FAM25A: variants seen among roughly 807,000 people sequenced by gnomAD.
The protein encoded by FAM25A is family with sequence similarity 25 member A.
Under a neutral mutation model 6.6 loss-of-function variants are expected in FAM25A, and 5 were observed. The ratio of observed to expected loss-of-function variants is 0.75; its 90% CI spans 0.39 to 1.59. The LOEUF (loss-of-function observed/expected upper bound fraction) is 1.59. FAM25A is among the 40% of genes most tolerant of loss of function. FAM25A has a pLI of 0.02. For missense variants in FAM25A, 93 were observed against 109.7 expected, an observed-to-expected ratio of 0.85 and a Z score of 0.68; for synonymous variants, 36 against 41.3, an observed-to-expected ratio of 0.87 and a Z score of 0.49.
chr10:87,024,415 C>A (rs1416410291), intron 2 of FAM25A, 126 bp from the exon 3 acceptor site: 5 of 1,384,874 alleles, frequency 3.6e-6, no homozygotes, highest in Middle Eastern at 2.5e-4. Flanking sequence ...AATCCTGCTG[C>A]CCTTGGTCCC....
intron 1 of FAM25A, among the ~76,000 whole-genome samples, 188 bp downstream of exon 1, chr10:87,020,585 G>A (rs1247694085): frequency 6.6e-6 from 1 of 152,144 alleles, no homozygotes; most frequent in Non-Finnish European, 1.5e-5. Context: ...TCTCCTGGGG[G>A]CAGGGCATGA....
chr10:87,024,353 G>A (rs1470288007), intron 2 of FAM25A, among the ~76,000 whole-genome samples, 188 bp from the exon 3 acceptor site: 2 of 152,128 alleles, frequency 1.3e-5, no homozygotes, highest in Admixed American at 6.5e-5. Flanking sequence ...CACAGTTGAA[G>A]AAATGCAAGT....
chr10:87,020,346 C>T lies in FAM25A; in HGVS notation c.22C>T (p.Leu8=). The T allele has an allele frequency of 1.9e-6, 3 of 1,549,508 alleles. No homozygotes were observed. The highest frequency in any genetic ancestry group is 2.6e-6 in the Non-Finnish European group (3 of 1,146,824). The part of the protein sequence containing the change: MLGGLGK[L]AAEGLAHRTE... Reference sequence around the variant, plus strand: ...CACGATGCTGGGAGGCCTGGGGAAGCTGGCTGCCGAAGGCCTGGCCCACCG... The same window carrying T: ...CACGATGCTGGGAGGCCTGGGGAAGTTGGCTGCCGAAGGCCTGGCCCACCG... The change falls in exon 1 of 3, where the codon CTG becomes TTG. Residue 8 remains leucine (L), a synonymous_variant. Coordinates refer to ENST00000343959, the MANE Select transcript of FAM25A (RefSeq NM_001146157.3).
At chr10:87,022,926 CA>C (rs68049029) in intron 2 of FAM25A, among the ~76,000 whole-genome samples, 55,919 of 119,358 alleles carry the variant, frequency 0.47, 11,591 homozygotes, top group East Asian at 0.71. Flanking sequence ...GACTCGGTCT[CA>C]AAAAAAAAAA....
At chr10:87,021,358 G>GGGAGAAAAGCTGAGTA (rs1564752484) in intron 1 of FAM25A, among the ~76,000 whole-genome samples, 3 of 152,066 alleles carry the variant, frequency 2.0e-5, no homozygotes, top group African/African-American at 7.3e-5. Flanking sequence ...AAAGCTGAGT[G>GGGAGAAAAGCTGAGTA]TTGGGAGAGA....
rs751630450 is a variant in FAM25A, at chr10:87,020,362, T to C, written c.38T>C (p.Leu13Pro). Residue 13 changes from leucine (L) to proline (P), a missense_variant, in exon 1 of 3, where the codon CTG becomes CCG. Physicochemically the swap from Leu to Pro is moderately conservative, Grantham distance 98 (BLOSUM62 -3). Coordinates refer to ENST00000343959, the MANE Select transcript of FAM25A (RefSeq NM_001146157.3). ...GGLGKLAAEGLAHRTEKATEG... is the reference protein window; with the variant it reads ...GGLGKLAAEGPAHRTEKATEG... ...CTGGGGAAGCTGGCTGCCGAAGGCC[T>C]GGCCCACCGCACCGAGAAGGCCACC... 240 of 1,549,380 alleles carry C rather than the reference T, an allele frequency of 1.5e-4. 6 individuals are homozygous for C. In the South Asian group the frequency reaches 2.8e-3, roughly 18 times the overall value.
At chr10:87,022,792 T>A (rs1211582280) in intron 2 of FAM25A, among the ~76,000 whole-genome samples, 2 of 150,324 alleles carry the variant, frequency 1.3e-5, no homozygotes, top group African/African-American at 4.9e-5. Flanking sequence ...CCGGGCATGG[T>A]GGTGGGTGCC....
chr10:87,023,889 G>A lies in FAM25A; in HGVS notation c.137-652G>A, dbSNP rs539711087. On this transcript the variant is annotated intron_variant, in intron 2 of 2. Coordinates refer to ENST00000343959, the MANE Select transcript of FAM25A (RefSeq NM_001146157.3). ...CCAGCTCTGTCCTCACATGGTGGAA[G>A]GAGCTAGCTCTCTGTGGTCTCTTTT... Among the ~76,000 whole-genome samples, 25 of 152,220 alleles carry A rather than the reference G, an allele frequency of 1.6e-4. No homozygotes were observed. The South Asian group carries it at 4.6e-3, about 28-fold the overall frequency.
In FAM25A at chr10:87,022,395, G is replaced by A. The variant is rs1328983117; in HGVS notation, c.136+19G>A. On this transcript the variant is annotated intron_variant, in intron 2 of 2. Transcript: ENST00000343959. ...GAGAAAGGTACAGCTGGCTGAGGTC[G>A]GGCAGGGAAGGAGGGAGGGAGCAAG... The A allele has an allele frequency of 3.0e-5, 46 of 1,546,104 alleles. No individual in the cohort carries two copies. The highest frequency in any genetic ancestry group is 2.3e-4 in the Middle Eastern group (1 of 4,386).
chr10:87,020,434 G>C, intron 1 of FAM25A, 37 bp downstream of exon 1: 1 of 1,547,368 alleles, frequency 6.5e-7, no homozygotes, highest in Non-Finnish European at 8.7e-7. Flanking sequence ...TGGGCTGGGG[G>C]GATCTGGGGC....
Position 87,022,377 on chromosome 10 carries a change from G to T in FAM25A, c.136+1G>T. On this transcript the variant is annotated splice_donor_variant, in intron 2 of 2. Transcript: ENST00000343959. LOFTEE classifies it high-confidence loss of function. Reference sequence around the variant, plus strand: ...CACGCCAAGGAGACTGGAGAGAAAGGTACAGCTGGCTGAGGTCGGGCAGGG... The same window carrying T: ...CACGCCAAGGAGACTGGAGAGAAAGTTACAGCTGGCTGAGGTCGGGCAGGG... The T allele has an allele frequency of 6.5e-7, 1 of 1,548,268 alleles. No individual in the cohort carries two copies. Among genetic ancestry groups the T allele is most frequent in the Non-Finnish European group, 8.7e-7 (1 of 1,146,696 alleles).
intron 2 of FAM25A, among the ~76,000 whole-genome samples, chr10:87,024,131 A>G (rs1845356267): frequency 6.7e-6 from 1 of 149,192 alleles, no homozygotes; most frequent in Admixed American, 6.7e-5. Context: ...AGTAAATTTG[A>G]CAATCCAAAA....
At chr10:87,020,875 G>A (rs1845324224) in intron 1 of FAM25A, among the ~76,000 whole-genome samples, 1 of 152,150 alleles carries the variant, frequency 6.6e-6, no homozygotes, top group Non-Finnish European at 1.5e-5. Context: ...CACCCAGGCT[G>A]GAGTGTAGTG....
intron 2 of FAM25A, 85 bp downstream of exon 2, chr10:87,022,461 G>A: frequency 1.4e-6 from 2 of 1,466,564 alleles, no homozygotes; most frequent in Non-Finnish European, 1.8e-6. Context: ...TGACTAACCA[G>A]GTCAAACTCT....
chr10:87,024,651 A>G lies in FAM25A; in HGVS notation c.247A>G (p.Ser83Gly), dbSNP rs1272303651. Residue 83 changes from serine (S) to glycine (G), a missense_variant, in exon 3 of 3, where the codon AGT becomes GGT. Transcript: ENST00000343959. Reference sequence around the variant, plus strand: ...AAATGCCATCACCCATGCAGCAGAGAGTCTGGACAAACTTGGACAGTGAGT... The same window carrying G: ...AAATGCCATCACCCATGCAGCAGAGGGTCTGGACAAACTTGGACAGTGAGT... ...VTNAITHAAE[S>G]LDKLGQ 36 of 1,535,718 alleles carry G rather than the reference A, an allele frequency of 2.3e-5. 1 individual carries two copies. In the Admixed American group the frequency reaches 6.9e-4, roughly 29 times the overall value.
intron 2 of FAM25A, among the ~76,000 whole-genome samples, chr10:87,023,532 C>T (rs1355634569): frequency 2.0e-5 from 3 of 152,108 alleles, no homozygotes; most frequent in African/African-American, 7.2e-5. Context: ...ACCAGCCTGA[C>T]CAATATGGTG....
At chr10:87,020,455 T>G in intron 1 of FAM25A, 58 bp downstream of exon 1, 1 of 1,539,282 alleles carries the variant, frequency 6.5e-7, no homozygotes, top group Non-Finnish European at 8.8e-7. Flanking sequence ...AGACTGGGTC[T>G]GTGGGAGGCG....
chr10:87,024,705 C>T lies in FAM25A; in HGVS notation c.*31C>T. On this transcript the variant is annotated 3_prime_UTR_variant, in exon 3 of 3. Coordinates refer to ENST00000343959, the MANE Select transcript of FAM25A (RefSeq NM_001146157.3). The stretch of plus-strand genomic sequence containing the variant: ...CCTGCTACCACGGCCCTTCCCCAGT[C>T]TCAATAAAAAGCCATGACATGTGTA... 6.5e-7 allele frequency: 1 copy of T among 1,535,666 alleles called. No individual in the cohort carries two copies. The highest frequency in any genetic ancestry group is 8.7e-7 in the Non-Finnish European group (1 of 1,146,866).
At chr10:87,024,406 A>G in intron 2 of FAM25A, 135 bp from the exon 3 acceptor site, 3 of 1,316,490 alleles carry the variant, frequency 2.3e-6, no homozygotes, top group Non-Finnish European at 3.1e-6. Context: ...TTCTGCAGTA[A>G]TCCTGCTGCC....
Sources: gnomAD v4.1 joint callset for allele counts (sites outside exome capture counted in the v4.1 genomes callset) on GRCh38, gnomAD v4.1.1 for gene constraint, MANE v1.5 for transcripts, NCBI Gene and HGNC (gene_info 2026-07-23, HGNC 2026-07-21) for gene names.